Variants in DNTTIP2 observed in about 807,000 individuals in gnomAD.
DNTTIP2 encodes deoxynucleotidyltransferase terminal-interacting protein 2.
DNTTIP2 carries 47 observed loss-of-function variants against 62.4 expected under a neutral mutation model. The ratio of observed to expected loss-of-function variants is 0.75; its 90% CI spans 0.60 to 0.96. DNTTIP2 has a LOEUF of 0.96. Among genes scored for constraint, DNTTIP2 ranks in the 40% least tolerant of loss-of-function variants. The probability of loss-of-function intolerance (pLI) is 0.00; values close to 1 mark genes in which losing one functional copy is unlikely to be tolerated. For missense variants in DNTTIP2, 870 were observed against 849.1 expected (o/e 1.02, Z -0.31); for synonymous variants, 322 against 300.9 (o/e 1.07, Z -0.73).
Position 93,876,786 on chromosome 1 carries a change from T to C in DNTTIP2, c.1149A>G (p.Ile383Met). 6.2e-7 allele frequency: 1 copy of C among 1,613,958 alleles called. No individual in the cohort carries two copies. The highest frequency in any genetic ancestry group is 1.3e-5 in the African/African-American group (1 of 75,050). The stretch of plus-strand genomic sequence containing the variant: ...CAAACTTTGTCAAGTCACTTGCTTT[T>C]ATGGGGCTCTTTTTGTTGTTATTCC... ...GRWNNNKKSPIKASDLTKFGD... is the reference protein window; with the variant it reads ...GRWNNNKKSPMKASDLTKFGD... Residue 383 changes from isoleucine to methionine, a missense_variant, in exon 2 of 7, where the codon ATA becomes ATG. Coordinates refer to ENST00000436063, the MANE Select transcript of DNTTIP2 (RefSeq NM_014597.5).
rs1655746125 is a variant in DNTTIP2 at position 93,867,293 on chromosome 1, T to C, written c.*2558A>G. On this transcript the variant is annotated 3_prime_UTR_variant, in exon 7 of 7. Transcript: ENST00000436063. ...GGCAGCCCTTTGGATTCTTTATACT[T>C]TTCTGGTATAAAGCCTTCAAATAGT... The C allele has an allele frequency of 6.6e-6, 1 of 151,942 alleles. No individual in the cohort carries two copies. The highest frequency in any genetic ancestry group is 2.4e-5 in the African/African-American group (1 of 41,326). The allele number at this position is 151,942 out of a possible 1,614,324, so 9.4% of individuals were successfully genotyped here.
At chr1:93,874,173 A>G in intron 3 of DNTTIP2, among the ~76,000 whole-genome samples, 1 of 152,214 alleles carries the variant, frequency 6.6e-6, no homozygotes, top group East Asian at 1.9e-4. Flanking sequence ...AGTACATTCA[A>G]GGACAGTGGT....
At position 93,870,735 on chromosome 1, in the gene DNTTIP2, G is replaced by A; in HGVS notation, c.2125C>T (p.Gln709Ter). The A allele has an allele frequency of 6.3e-7, 1 of 1,575,060 alleles. No homozygotes were observed. The highest frequency in any genetic ancestry group is 1.2e-5 in the South Asian group (1 of 84,982). The change falls in exon 6 of 7, where the codon CAA (glutamine) becomes TAA (stop). Residue 709 changes from glutamine (Q) to a stop codon, truncating the protein, a stop_gained. Transcript: ENST00000436063. LOFTEE classifies it high-confidence loss of function. ...TCTTCCACAATAGTTCTTTTCCTTT[G>A]CTTCTTGGGAATTCGTGAATGGTAG... ...DFYHSRIPKK[Q>*]RKRTIVEELL... is the part of the protein sequence containing the mutation.
chr1:93,875,521 A>C, intron 3 of DNTTIP2, 124 bp downstream of exon 3: 2 of 896,948 alleles, frequency 2.2e-6, no homozygotes, highest in Middle Eastern at 3.4e-4. Context: ...TTTAGAGAGA[A>C]GGAAAAAACT....
rs150616569 is a variant in DNTTIP2 at position 93,877,358 on chromosome 1, T to A, written c.577A>T (p.Ile193Phe). 6.2e-7 allele frequency: 1 copy of A among 1,613,672 alleles called. No homozygotes were observed. Among genetic ancestry groups the A allele is most frequent in the African/African-American group, 1.3e-5 (1 of 74,928 alleles). ...ISDAETSSSD[I>F]SFSGIATRRT... ...CTAGTTGCAATTCCAGAGAATGAAA[T>A]GTCTGAGCTTGATGTCTCAGCATCA... Residue 193 changes from isoleucine to phenylalanine, a missense_variant, in exon 2 of 7, where the codon ATT (isoleucine) becomes TTT (phenylalanine). Transcript: ENST00000436063.
chr1:93,877,993 C>A lies in DNTTIP2; in HGVS notation c.73-131G>T, dbSNP rs2100890366. On this transcript the variant is annotated intron_variant, in intron 1 of 6. Transcript: ENST00000436063. ...TTAAAACAAAAAACAAAAAAACCTGCCCAACTCATGATTTTTAAAAAATCA... is the reference window on the plus strand; with the variant it reads ...TTAAAACAAAAAACAAAAAAACCTGACCAACTCATGATTTTTAAAAAATCA... 6.0e-6 allele frequency: 8 copies of A among 1,338,072 alleles called. 1 individual carries two copies. In the South Asian group the frequency reaches 1.1e-4, roughly 19 times the overall value. 82.9% of individuals were successfully genotyped at this position (1,338,072 alleles called of 1,614,324 possible).
At chr1:93,874,545 C>G (rs1347903438) in intron 3 of DNTTIP2, among the ~76,000 whole-genome samples, 1 of 152,126 alleles carries the variant, frequency 6.6e-6, no homozygotes, top group Non-Finnish European at 1.5e-5. Context: ...AGGGTAAGTT[C>G]AGGCAACTAC....
chr1:93,873,057 G>T (rs887518640), intron 4 of DNTTIP2, 62 bp downstream of exon 4: 2 of 1,161,346 alleles, frequency 1.7e-6, no homozygotes, highest in Non-Finnish European at 2.5e-6. Flanking sequence ...CAGTTATGTT[G>T]TATAAGCTGA....
chr1:93,872,025 C>T (rs1655874877), intron 5 of DNTTIP2, 47 bp downstream of exon 5: 1 of 1,602,808 alleles, frequency 6.2e-7, no homozygotes, highest in Non-Finnish European at 8.5e-7. Context: ...CAGTGCTTTC[C>T]AAACTAAAAT....
At chr1:93,872,603 TA>T (rs1279723365) in intron 4 of DNTTIP2, among the ~76,000 whole-genome samples, 1 of 152,202 alleles carries the variant, frequency 6.6e-6, no homozygotes, top group Non-Finnish European at 1.5e-5. Context: ...AGCTTATATG[TA>T]AACATTTTTA....
At position 93,867,282 on chromosome 1, in the gene DNTTIP2, T is replaced by C. The variant is rs1265648600; in HGVS notation, c.*2569A>G. 6.6e-6 allele frequency: 1 copy of C among 152,022 alleles called. No individual in the cohort carries two copies. Among genetic ancestry groups the C allele is most frequent in the Non-Finnish European group, 1.5e-5 (1 of 68,018 alleles). 9.4% of individuals were successfully genotyped at this position (152,022 alleles called of 1,614,324 possible). On this transcript the variant is annotated 3_prime_UTR_variant, in exon 7 of 7. Coordinates refer to ENST00000436063, the MANE Select transcript of DNTTIP2 (RefSeq NM_014597.5). ...CACCTGACTGTGGCAGCCCTTTGGATTCTTTATACTTTTCTGGTATAAAGC... is the reference window on the plus strand; with the variant it reads ...CACCTGACTGTGGCAGCCCTTTGGACTCTTTATACTTTTCTGGTATAAAGC...
chr1:93,870,653 A>G, intron 6 of DNTTIP2, 30 bp downstream of exon 6: 2 of 1,291,080 alleles, frequency 1.5e-6, no homozygotes, highest in Non-Finnish European at 1.1e-6. Flanking sequence ...CAAAGTATAC[A>G]TATTATAAAA....
rs1215489128 is a variant in DNTTIP2, at chr1:93,875,621, A to G, written c.1806+24T>C. On this transcript the variant is annotated intron_variant, in intron 3 of 6. Transcript: ENST00000436063. ...AAAAGTGATTGGTTAGTTCTGTGAAAACCTAACAGCACAATTAACTTACCT... is the reference window on the plus strand; with the variant it reads ...AAAAGTGATTGGTTAGTTCTGTGAAGACCTAACAGCACAATTAACTTACCT... The G allele has an allele frequency of 6.3e-6, 10 of 1,598,876 alleles. No individual in the cohort carries two copies. The Admixed American group carries it at 1.8e-4, about 28-fold the overall frequency.
Position 93,869,323 on chromosome 1 carries a change from G to A in DNTTIP2, c.*528C>T, listed in dbSNP as rs760606130. ...CAAGGAAAACAGCTCCTCTGCCCAA[G>A]CTTTCTAGGTCATATTCTTCATATC... On this transcript the variant is annotated 3_prime_UTR_variant, in exon 7 of 7. Transcript: ENST00000436063. 1 of 152,182 alleles carries A rather than the reference G, an allele frequency of 6.6e-6. No individual in the cohort carries two copies. 9.4% of individuals were successfully genotyped at this position (152,182 alleles called of 1,614,324 possible). A position where few individuals can be genotyped will look rare whatever the true frequency, so the allele number is the denominator to read the frequency against.
chr1:93,876,176 C>G, intron 2 of DNTTIP2, 92 bp downstream of exon 2: 1 of 973,806 alleles, frequency 1.0e-6, no homozygotes, highest in Non-Finnish European at 1.3e-6. Flanking sequence ...GTGATTTTCT[C>G]ATTCCCCAGG....
In DNTTIP2 at chr1:93,877,778, C is replaced by T; in HGVS notation, c.157G>A (p.Gly53Arg). 6.2e-7 allele frequency: 1 copy of T among 1,611,574 alleles called. No homozygotes were observed. The change falls in exon 2 of 7, where the codon GGG (glycine) becomes AGG (arginine). Residue 53 changes from glycine (G) to arginine (R), a missense_variant. Gly to Arg is a moderately radical substitution (Grantham distance 125). Coordinates refer to ENST00000436063, the MANE Select transcript of DNTTIP2 (RefSeq NM_014597.5). ...GTTCTAGGGATTAAACTTTGCTTCC[C>T]AGTGGTCTGTGATTCAGCAGTAGTT... ...ARTTAESQTT[G>R]KQSLIPRTPK...
intron 3 of DNTTIP2, among the ~76,000 whole-genome samples, chr1:93,875,364 T>G (rs1160223523): frequency 6.6e-6 from 1 of 152,072 alleles, no homozygotes; most frequent in Non-Finnish European, 1.5e-5. Context: ...ACTTAAGAAC[T>G]AAAAGTATAG....
rs1323743031 is a variant in DNTTIP2 at position 93,868,897 on chromosome 1, T to C, written c.*954A>G. The C allele has an allele frequency of 3.3e-5, 5 of 151,892 alleles. No homozygotes were observed. Among genetic ancestry groups the C allele is most frequent in the African/African-American group, 9.7e-5 (4 of 41,314 alleles). The allele number at this position is 151,892 out of a possible 1,614,324, so 9.4% of individuals were successfully genotyped here. A position where few individuals can be genotyped will look rare whatever the true frequency, so the allele number is the denominator to read the frequency against. On this transcript the variant is annotated 3_prime_UTR_variant, in exon 7 of 7. Coordinates refer to ENST00000436063, the MANE Select transcript of DNTTIP2 (RefSeq NM_014597.5). ...GGATAGCACTAGGAGAAATACCTAA[T>C]GTAGATAGGTTGATGGGTGCAGCAA... is the stretch of plus-strand genomic sequence containing the variant.
rs1213212614 is a variant in DNTTIP2, at chr1:93,875,631, C to T, written c.1806+14G>A. ...GGTTAGTTCTGTGAAAACCTAACAG[C>T]ACAATTAACTTACCTCATTTTTCTT... On this transcript the variant is annotated intron_variant, in intron 3 of 6. Coordinates refer to ENST00000436063, the MANE Select transcript of DNTTIP2 (RefSeq NM_014597.5). 1 of 1,603,394 alleles carries T rather than the reference C, an allele frequency of 6.2e-7. No individual in the cohort carries two copies. Among genetic ancestry groups the T allele is most frequent in the East Asian group, 2.2e-5 (1 of 44,558 alleles).
Sources: gnomAD v4.1 joint callset for allele counts (sites outside exome capture counted in the v4.1 genomes callset) on GRCh38, gnomAD v4.1.1 for gene constraint, MANE v1.5 for transcripts, NCBI Gene and HGNC (gene_info 2026-07-23, HGNC 2026-07-21) for gene names.